RBFOX1: variants seen among roughly 807,000 people sequenced by gnomAD.
RBFOX1 encodes the protein RNA binding fox-1 homolog 1, also known as RNA binding protein fox-1 homolog 1.
Under a neutral mutation model 57.7 loss-of-function variants are expected in RBFOX1, and 8 were observed. The ratio of observed to expected loss-of-function variants is 0.14; its 90% CI spans 0.08 to 0.25. RBFOX1 has a LOEUF of 0.25. Ranked by LOEUF, RBFOX1 falls within the 10% of genes least tolerant of loss-of-function variation. The pLI, the probability that RBFOX1 is intolerant of heterozygous loss-of-function variation, is 1.00. For missense variants in RBFOX1, 611 were observed against 548.5 expected, an observed-to-expected ratio of 1.11 and a Z score of -1.14; for synonymous variants, 326 against 222.4, an observed-to-expected ratio of 1.47 and a Z score of -4.15.
intron 4 of RBFOX1, among the ~76,000 whole-genome samples, chr16:7,457,336 T>G (rs1345835792): frequency 6.6e-6 from 1 of 152,216 alleles, no homozygotes; most frequent in Non-Finnish European, 1.5e-5. Context: ...CCTCCTGACA[T>G]TGGTGACCCA....
At chr16:6,763,014 G>C (rs1303690952) in intron 3 of RBFOX1, among the ~76,000 whole-genome samples, 1 of 131,960 alleles carries the variant, frequency 7.6e-6, no homozygotes, top group Non-Finnish European at 1.6e-5. Context: ...GAACATGCAA[G>C]ATAGAGAATG....
chr16:6,819,688 A>G (rs1437115803), intron 3 of RBFOX1, among the ~76,000 whole-genome samples: 1 of 131,724 alleles, frequency 7.6e-6, no homozygotes, highest in African/African-American at 2.9e-5. Flanking sequence ...CTGGGCAACA[A>G]GAGTGAAACT....
chr16:5,854,080 A>G (rs1413637299), intron 3 of RBFOX1, among the ~76,000 whole-genome samples: 2 of 152,238 alleles, frequency 1.3e-5, no homozygotes, highest in Non-Finnish European at 2.9e-5. Context: ...TGTATTCTTT[A>G]AGGTTAACAG....
chr16:5,774,243 T>A (rs1289146504), intron 3 of RBFOX1, among the ~76,000 whole-genome samples: 12 of 152,172 alleles, frequency 7.9e-5, no homozygotes. Context: ...ATTACCTTAC[T>A]GACAGACAGA....
intron 4 of RBFOX1, among the ~76,000 whole-genome samples, chr16:7,375,629 C>G (rs528982782): frequency 6.6e-6 from 1 of 151,914 alleles, no homozygotes; most frequent in African/African-American, 2.4e-5. Flanking sequence ...TAAGGGGACT[C>G]ACATAAACAG....
At chr16:7,077,587 C>G (rs767329264) in intron 4 of RBFOX1, among the ~76,000 whole-genome samples, 65 of 152,126 alleles carry the variant, frequency 4.3e-4, no homozygotes, top group Non-Finnish European at 7.8e-4. Context: ...CTGCTAAGTT[C>G]CTCAGCAAAT....
At chr16:6,118,750 C>T (rs1439538183) in intron 1 of RBFOX1, among the ~76,000 whole-genome samples, 1 of 145,108 alleles carries the variant, frequency 6.9e-6, no homozygotes, top group Non-Finnish European at 1.5e-5. Context: ...TCCTTCCTTC[C>T]TTCCTTCTCT....
At chr16:6,192,933 C>G (rs536703977) in intron 1 of RBFOX1, among the ~76,000 whole-genome samples, 2 of 152,056 alleles carry the variant, frequency 1.3e-5, no homozygotes, top group African/African-American at 4.8e-5. Flanking sequence ...TATATTATGT[C>G]GAAATTCAAT....
intron 1 of RBFOX1, among the ~76,000 whole-genome samples, chr16:5,425,146 C>T: frequency 7.5e-6 from 1 of 133,060 alleles, no homozygotes; most frequent in Non-Finnish European, 1.6e-5. Flanking sequence ...CACTGTGTTG[C>T]CCAGGCTGGA....
At chr16:6,000,423 T>A (rs1171427963) in intron 4 of RBFOX1, among the ~76,000 whole-genome samples, 1 of 152,158 alleles carries the variant, frequency 6.6e-6, no homozygotes, top group Non-Finnish European at 1.5e-5. Context: ...TTTGCCAGAA[T>A]TTCCTTTGAG....
chr16:5,534,047 C>T (rs891443841), intron 2 of RBFOX1, among the ~76,000 whole-genome samples: 27 of 152,120 alleles, frequency 1.8e-4, no homozygotes, highest in African/African-American at 6.3e-4. Context: ...GATGTGGTTG[C>T]CATGGGGACT....
At chr16:7,155,612 A>G (rs1180229186) in intron 4 of RBFOX1, among the ~76,000 whole-genome samples, 1 of 147,696 alleles carries the variant, frequency 6.8e-6, no homozygotes, top group Non-Finnish European at 1.5e-5. Context: ...AAAAAAGAGT[A>G]GTGGAATAAG....
rs1442747744 is a variant in RBFOX1, at chr16:7,689,615, T to G, written c.995+12777T>G. On this transcript the variant is annotated intron_variant, in intron 14 of 15. Coordinates refer to ENST00000550418, the MANE Select transcript of RBFOX1 (RefSeq NM_018723.4). ...AATGAGCACTCTAGGCATTCTTATC[T>G]TCAGGGAAGTTGGAGAAATTTTGGA... is the stretch of plus-strand genomic sequence containing the variant. 2.0e-5 allele frequency among the ~76,000 whole-genome samples: 3 copies of G among 152,142 alleles called. No homozygotes were observed. The East Asian group carries it at 5.8e-4, about 29-fold the overall frequency.
chr16:6,088,996 C>G (rs553474245), intron 1 of RBFOX1, among the ~76,000 whole-genome samples: 69 of 150,292 alleles, frequency 4.6e-4, no homozygotes, highest in African/African-American at 1.6e-3. Flanking sequence ...CTCGAGAGGC[C>G]GAGGCAGGAC....
chr16:7,440,712 T>G (rs918930482), intron 4 of RBFOX1, among the ~76,000 whole-genome samples: 13 of 152,332 alleles, frequency 8.5e-5, no homozygotes, highest in African/African-American at 3.1e-4. Flanking sequence ...CTTTTCTGTT[T>G]AGGGCTGGGG....
intron 3 of RBFOX1, among the ~76,000 whole-genome samples, chr16:6,907,285 C>G (rs1040030709): frequency 6.6e-6 from 1 of 152,162 alleles, no homozygotes; most frequent in Non-Finnish European, 1.5e-5. Context: ...TGAGAGTCAT[C>G]TTTACCGATG....
chr16:7,667,707 G>GTCTC (rs2069851245), intron 13 of RBFOX1, among the ~76,000 whole-genome samples: 1 of 152,090 alleles, frequency 6.6e-6, no homozygotes, highest in Non-Finnish European at 1.5e-5. Context: ...TTTTGAGACA[G>GTCTC]ACTCACTGTG....
intron 1 of RBFOX1, among the ~76,000 whole-genome samples, chr16:6,168,983 A>G (rs2096938475): frequency 1.3e-5 from 2 of 152,126 alleles, no homozygotes; most frequent in Admixed American, 1.3e-4. Flanking sequence ...GTGCTACAGC[A>G]TGAATTTAGA....
intron 2 of RBFOX1, among the ~76,000 whole-genome samples, chr16:6,581,716 A>C (rs375364468): frequency 6.6e-6 from 1 of 152,068 alleles, no homozygotes; most frequent in African/African-American, 2.4e-5. Flanking sequence ...TTAATGAGGG[A>C]CTCACAGCTG....
Sources: allele counts gnomAD v4.1 joint callset (sites outside exome capture counted in the v4.1 genomes callset), GRCh38; gene constraint gnomAD v4.1.1; transcripts MANE v1.5; gene names NCBI Gene and HGNC (gene_info 2026-07-23, HGNC 2026-07-21).